The following SCHIP1 variants were observed in gnomAD, a reference collection of about 807,000 sequenced individuals.
SCHIP1 encodes schwannomin interacting protein 1.
SCHIP1 carries 8 observed loss-of-function variants against 29.7 expected under a neutral mutation model. That is an observed-to-expected ratio of 0.27 (90% confidence interval 0.16 to 0.49). SCHIP1 has a LOEUF of 0.49. Among genes scored for constraint, SCHIP1 ranks in the 20% least tolerant of loss-of-function variants. SCHIP1 has a pLI of 0.99. For missense variants in SCHIP1, 193 were observed against 294.6 expected (o/e 0.66, Z 2.52); for synonymous variants, 76 against 94.9 (o/e 0.80, Z 1.16).
At chr3:159,562,538 C>T in the SCHIP1 span, among the ~76,000 whole-genome samples, 4 of 152,180 alleles carry the variant, frequency 2.6e-5, no homozygotes, top group Non-Finnish European at 4.4e-5. Context: ...GACACTACGC[C>T]TTCTGGTTTC....
chr3:159,590,449 AC>A, the SCHIP1 span, among the ~76,000 whole-genome samples: 1 of 152,158 alleles, frequency 6.6e-6, no homozygotes. Context: ...AGTGGCGCAC[AC>A]CTGTAGTCCC....
chr3:159,702,587 G>A, the SCHIP1 span, among the ~76,000 whole-genome samples: 106 of 152,318 alleles, frequency 7.0e-4, 1 homozygote, highest in East Asian at 0.01. Context: ...GAGCTTCAAA[G>A]TCTAAGCGAA....
chr3:159,611,339 C>T, the SCHIP1 span, among the ~76,000 whole-genome samples: 1 of 152,064 alleles, frequency 6.6e-6, no homozygotes, highest in Non-Finnish European at 1.5e-5. Context: ...TCTTGCAATA[C>T]TATGCAGCCA....
At chr3:159,315,886 A>T in the SCHIP1 span, among the ~76,000 whole-genome samples, 4 of 151,432 alleles carry the variant, frequency 2.6e-5, no homozygotes, top group African/African-American at 9.7e-5. Flanking sequence ...AGGCACAGTG[A>T]AAAGAAGGGT....
the SCHIP1 span, among the ~76,000 whole-genome samples, chr3:159,716,802 A>T: frequency 6.6e-6 from 1 of 152,112 alleles, no homozygotes; most frequent in African/African-American, 2.4e-5. Context: ...AGACTTTAAC[A>T]CCCCACTGTC....
the SCHIP1 span, chr3:159,273,737 G>C: frequency 1.9e-6 from 3 of 1,572,020 alleles, no homozygotes; most frequent in Non-Finnish European, 1.7e-6. Flanking sequence ...GCTAACCCAG[G>C]TGACCCTTTA....
the SCHIP1 span, among the ~76,000 whole-genome samples, chr3:159,827,782 G>A: frequency 5.4e-4 from 82 of 151,430 alleles, no homozygotes; most frequent in African/African-American, 1.9e-3. Context: ...TCCGCAGTCC[G>A]GCTTGGGCGA....
the SCHIP1 span, among the ~76,000 whole-genome samples, chr3:159,738,252 CAAA>C: frequency 1.4e-5 from 2 of 139,792 alleles, no homozygotes; most frequent in South Asian, 4.5e-4. Context: ...CTTTAAATTA[CAAA>C]AAAAAAAAAT....
chr3:159,320,896 C>G, the SCHIP1 span, among the ~76,000 whole-genome samples: 1 of 150,564 alleles, frequency 6.6e-6, no homozygotes, highest in South Asian at 2.1e-4. Context: ...GGGGGCTATG[C>G]AAATTGAGAT....
chr3:159,829,623 G>C, the SCHIP1 span, among the ~76,000 whole-genome samples: 1 of 152,210 alleles, frequency 6.6e-6, no homozygotes, highest in Non-Finnish European at 1.5e-5. Flanking sequence ...CCTGCCAGGT[G>C]AAGTAGTCTT....
chr3:159,401,597 C>CT, the SCHIP1 span, among the ~76,000 whole-genome samples: 152 of 152,194 alleles, frequency 1.0e-3, 2 homozygotes, highest in South Asian at 0.031. Context: ...GTACTATAAC[C>CT]AGTACTTAAA....
chr3:159,709,775 T>A, the SCHIP1 span, among the ~76,000 whole-genome samples: 1 of 152,220 alleles, frequency 6.6e-6, no homozygotes, highest in Non-Finnish European at 1.5e-5. Context: ...GGAACAGATG[T>A]CTATTAGAAA....
chr3:159,881,037 A>G (rs1011771719), intron 2 of SCHIP1, among the ~76,000 whole-genome samples: 5 of 152,174 alleles, frequency 3.3e-5, no homozygotes, highest in African/African-American at 1.2e-4. Flanking sequence ...GGATGGGAAA[A>G]CTATTTTACA....
chr3:159,803,014 C>T, the SCHIP1 span, among the ~76,000 whole-genome samples: 1 of 152,198 alleles, frequency 6.6e-6, no homozygotes, highest in Non-Finnish European at 1.5e-5. Flanking sequence ...AACACATCTC[C>T]TTTCCTTTAA....
At chr3:159,737,146 C>T in the SCHIP1 span, among the ~76,000 whole-genome samples, 1 of 152,156 alleles carries the variant, frequency 6.6e-6, no homozygotes, top group Admixed American at 6.5e-5. Flanking sequence ...ATGGTCATAG[C>T]CTCTGTGAGG....
chr3:159,366,024 G>T, the SCHIP1 span, among the ~76,000 whole-genome samples: 324 of 152,278 alleles, frequency 2.1e-3, 2 homozygotes, highest in Non-Finnish European at 3.4e-3. Context: ...TGTTTATAAA[G>T]GAGAGAAGTT....
chr3:159,547,832 G>T, the SCHIP1 span, among the ~76,000 whole-genome samples: 132 of 152,292 alleles, frequency 8.7e-4, 1 homozygote, highest in African/African-American at 3.0e-3. Flanking sequence ...ATAGTTTGAA[G>T]TCAGGTAGCA....
At chr3:159,706,432 T>C in the SCHIP1 span, among the ~76,000 whole-genome samples, 1 of 152,204 alleles carries the variant, frequency 6.6e-6, no homozygotes, top group Non-Finnish European at 1.5e-5. Context: ...TTATATGTAT[T>C]TTAAATGGAA....
At chr3:159,765,133 A>T in the SCHIP1 span, 1 of 1,560,004 alleles carries the variant, frequency 6.4e-7, no homozygotes, top group Non-Finnish European at 8.7e-7. Context: ...GACCAACTCC[A>T]CCTCCGTAAG....
Sources: gnomAD v4.1 joint callset for allele counts (sites outside exome capture counted in the v4.1 genomes callset) on GRCh38, gnomAD v4.1.1 for gene constraint, MANE v1.5 for transcripts, NCBI Gene and HGNC (gene_info 2026-07-23, HGNC 2026-07-21) for gene names.